The following SLC25A19 variants were observed in gnomAD, a reference collection of about 807,000 sequenced individuals.
SLC25A19 encodes mitochondrial thiamine pyrophosphate carrier.
A neutral mutation model predicts 27.9 loss-of-function variants in SLC25A19; 18 were observed. That is an observed-to-expected ratio of 0.64 (90% CI 0.45 to 0.96). The LOEUF (loss-of-function observed/expected upper bound fraction) is 0.96, where lower values mean the gene tolerates loss of function less well. Among genes scored for constraint, SLC25A19 ranks in the 40% least tolerant of loss-of-function variants. The pLI, the probability that SLC25A19 is intolerant of heterozygous loss-of-function variation, is 0.00. For missense variants in SLC25A19, 371 were observed against 418.3 expected, an observed-to-expected ratio of 0.89 and a Z score of 0.99; for synonymous variants, 169 against 167.1, an observed-to-expected ratio of 1.01 and a Z score of -0.09.
chr17:75,274,318 C>G (rs2077807699), intron 7 of SLC25A19, among the ~76,000 whole-genome samples: 1 of 152,136 alleles, frequency 6.6e-6, no homozygotes. Flanking sequence ...CCGGGCCTCC[C>G]TGCCTCCAGC....
At chr17:75,282,085 C>T (rs2078052144) in intron 5 of SLC25A19, among the ~76,000 whole-genome samples, 2 of 150,020 alleles carry the variant, frequency 1.3e-5, no homozygotes, top group South Asian at 4.2e-4. Context: ...GACTGGGCAA[C>T]ATGACGAAAC....
rs1021583265 is a variant in SLC25A19, at chr17:75,276,560, G to T, written c.774+793C>A. Reference sequence around the variant, plus strand: ...TTTTTATATTTTTAGTAGAAACGGGGTTTCACCATGTTGATCAGGCTGGTC... The same window carrying T: ...TTTTTATATTTTTAGTAGAAACGGGTTTTCACCATGTTGATCAGGCTGGTC... On this transcript the variant is annotated intron_variant, in intron 7 of 7. Transcript: ENST00000416858. 6.3e-5 allele frequency among the ~76,000 whole-genome samples: 9 copies of T among 142,212 alleles called. No homozygotes were observed. The South Asian group carries it at 2.0e-3, about 32-fold the overall frequency. The allele number at this position is 142,212 out of a possible 152,430, so 93.3% of individuals were successfully genotyped here. A position where few individuals can be genotyped will look rare whatever the true frequency, so the allele number is the denominator to read the frequency against.
At chr17:75,285,215 G>A (rs2145779104) in intron 4 of SLC25A19, among the ~76,000 whole-genome samples, 1 of 152,254 alleles carries the variant, frequency 6.6e-6, no homozygotes, top group Non-Finnish European at 1.5e-5. Context: ...GGGATTACAG[G>A]TGTGAGCCAC....
At chr17:75,288,784 G>T (rs1340602648) in intron 1 of SLC25A19, among the ~76,000 whole-genome samples, 193 bp from the exon 2 acceptor site, 1 of 152,048 alleles carries the variant, frequency 6.6e-6, no homozygotes, top group Non-Finnish European at 1.5e-5. Context: ...CTCCACCCCA[G>T]ACATCAATTC....
chr17:75,284,012 G>A (rs1029402272), intron 4 of SLC25A19, among the ~76,000 whole-genome samples: 2 of 152,022 alleles, frequency 1.3e-5, no homozygotes, highest in Non-Finnish European at 2.9e-5. Context: ...TACTTGGGGG[G>A]CTGAGGCAGG....
At chr17:75,275,073 C>G (rs894106759) in intron 7 of SLC25A19, among the ~76,000 whole-genome samples, 2 of 140,786 alleles carry the variant, frequency 1.4e-5, no homozygotes, top group African/African-American at 5.4e-5. Context: ...ACTGCAGCCT[C>G]GAACTCCTGG....
chr17:75,280,671 G>A (rs1020557066), intron 5 of SLC25A19, among the ~76,000 whole-genome samples: 5 of 151,804 alleles, frequency 3.3e-5, no homozygotes, highest in Admixed American at 3.3e-4. Flanking sequence ...AAATTAGCCA[G>A]GCGCGGTGGT....
intron 6 of SLC25A19, 24 bp downstream of exon 6, chr17:75,278,128 C>T (rs376671155): frequency 1.1e-5 from 18 of 1,611,706 alleles, no homozygotes; most frequent in African/African-American, 2.7e-5. Flanking sequence ...GGGAGGGCTC[C>T]CTCTCGTGTG....
At chr17:75,280,293 C>T (rs946200045) in intron 5 of SLC25A19, among the ~76,000 whole-genome samples, 3 of 150,046 alleles carry the variant, frequency 2.0e-5, no homozygotes, top group African/African-American at 4.9e-5. Flanking sequence ...ATTGCTTGAC[C>T]CCAGGAGGTG....
rs149685887 is a variant in SLC25A19 at position 75,274,326 on chromosome 17, A to C, written c.775-687T>G. Among the ~76,000 whole-genome samples, 34 of 152,142 alleles carry C rather than the reference A, an allele frequency of 2.2e-4. No individual in the cohort carries two copies. In the South Asian group the frequency reaches 6.0e-3, roughly 27 times the overall value. ...CTCTCAGCCGGGCCTCCCTGCCTCC[A>C]GCCTCACCCTCTCCAGCTGACCTCA... On this transcript the variant is annotated intron_variant, in intron 7 of 7. Transcript: ENST00000416858.
At chr17:75,275,043 C>T (rs71380882) in intron 7 of SLC25A19, among the ~76,000 whole-genome samples, 1 of 115,022 alleles carries the variant, frequency 8.7e-6, no homozygotes, top group Non-Finnish European at 1.6e-5. Context: ...AGATGGTGTG[C>T]AGTAGTGTGA....
intron 5 of SLC25A19, among the ~76,000 whole-genome samples, chr17:75,281,784 G>A (rs975565370): frequency 6.6e-6 from 1 of 152,168 alleles, no homozygotes; most frequent in Non-Finnish European, 1.5e-5. Flanking sequence ...CCTTGATCCA[G>A]CCCACTGCTG....
At chr17:75,284,554 G>C (rs2078135375) in intron 4 of SLC25A19, among the ~76,000 whole-genome samples, 1 of 151,692 alleles carries the variant, frequency 6.6e-6, no homozygotes, top group Non-Finnish European at 1.5e-5. Context: ...TGGCGGCACT[G>C]TTCGAGAATC....
chr17:75,286,147 T>C (rs2078174705), intron 4 of SLC25A19, among the ~76,000 whole-genome samples, 157 bp downstream of exon 4: 1 of 152,228 alleles, frequency 6.6e-6, no homozygotes, highest in South Asian at 2.1e-4. Flanking sequence ...CCTACGGTAC[T>C]GCTGGTCAGG....
chr17:75,286,107 A>T (rs2078173571), intron 4 of SLC25A19, among the ~76,000 whole-genome samples, 197 bp downstream of exon 4: 1 of 152,220 alleles, frequency 6.6e-6, no homozygotes, highest in South Asian at 2.1e-4. Context: ...GTCACACAGG[A>T]TAGACGCAGG....
At chr17:75,286,561 T>A (rs1216560057) in intron 3 of SLC25A19, 72 bp downstream of exon 3, 3 of 1,613,876 alleles carry the variant, frequency 1.9e-6, no homozygotes, top group Non-Finnish European at 2.5e-6. Context: ...AATTCCAAGT[T>A]TTAGGAACTG....
chr17:75,285,107 T>G (rs1329363819), intron 4 of SLC25A19, among the ~76,000 whole-genome samples: 1 of 151,954 alleles, frequency 6.6e-6, no homozygotes, highest in Non-Finnish European at 1.5e-5. Flanking sequence ...TAATTTATTT[T>G]TTATTTTTAG....
At chr17:75,280,546 G>A (rs2078013459) in intron 5 of SLC25A19, among the ~76,000 whole-genome samples, 1 of 152,022 alleles carries the variant, frequency 6.6e-6, no homozygotes, top group Admixed American at 6.6e-5. Context: ...CAGGCGCGGT[G>A]GCTCACGCCT....
chr17:75,286,624 G>T lies in SLC25A19; in HGVS notation c.132+9C>A, dbSNP rs760292816. 1 of 1,614,166 alleles carries T rather than the reference G, an allele frequency of 6.2e-7. No individual in the cohort carries two copies. On this transcript the variant is annotated intron_variant, in intron 3 of 7. Coordinates refer to ENST00000416858, the MANE Select transcript of SLC25A19 (RefSeq NM_001126121.2). ...TCCAGTCCATTGCATGGAAAAAGGGGAAGAGTACCTGGAAACGGATCTTGA... is the reference window on the plus strand; with the variant it reads ...TCCAGTCCATTGCATGGAAAAAGGGTAAGAGTACCTGGAAACGGATCTTGA...
Sources: allele counts gnomAD v4.1 joint callset (sites outside exome capture counted in the v4.1 genomes callset), GRCh38; gene constraint gnomAD v4.1.1; transcripts MANE v1.5; gene names NCBI Gene and HGNC (gene_info 2026-07-23, HGNC 2026-07-21).